The following XIRP2 variants were observed in gnomAD, a reference collection of about 807,000 sequenced individuals.
XIRP2 encodes the protein xin actin-binding repeat-containing protein 2.
In XIRP2, 236 loss-of-function variants were observed where a neutral mutation model predicts 277.0. The ratio of observed to expected loss-of-function variants is 0.85; its 90% confidence interval spans 0.77 to 0.95. The LOEUF is 0.95. XIRP2 is among the 40% of genes least tolerant of loss of function. XIRP2 has a pLI of 0.00. For synonymous variants in XIRP2, 1,490 were observed against 1,416.5 expected, an observed-to-expected ratio of 1.05 and a Z score of -1.17; for missense variants, 4,640 against 4,157.5, an observed-to-expected ratio of 1.12 and a Z score of -3.19.
At chr2:166,893,189 A>T (rs1684152839) in intron 1 of XIRP2, among the ~76,000 whole-genome samples, 1 of 151,998 alleles carries the variant, frequency 6.6e-6, no homozygotes, top group Non-Finnish European at 1.5e-5. Flanking sequence ...ATATTAGAGT[A>T]ACTGGTGGGA....
At chr2:166,902,643 C>T (rs529477790) in intron 1 of XIRP2, among the ~76,000 whole-genome samples, 1 of 151,824 alleles carries the variant, frequency 6.6e-6, no homozygotes, top group East Asian at 1.9e-4. Flanking sequence ...GTACACTTTG[C>T]CATTTTTTTT....
At chr2:167,106,798 A>G (rs895987419) in intron 2 of XIRP2, among the ~76,000 whole-genome samples, 2 of 151,596 alleles carry the variant, frequency 1.3e-5, no homozygotes, top group African/African-American at 4.8e-5. Flanking sequence ...TTGTTGAGTT[A>G]ATCCCTGAAC....
rs367958362 is a variant in XIRP2 at position 167,244,190 on chromosome 2, G to C, written c.2798G>C (p.Arg933Pro). 4 of 1,613,460 alleles carry C rather than the reference G, an allele frequency of 2.5e-6. No individual in the cohort carries two copies. Among genetic ancestry groups the C allele is most frequent in the Non-Finnish European group, 3.4e-6 (4 of 1,179,808 alleles). The stretch of plus-strand genomic sequence containing the variant: ...AGAAAAGATAAAAAGGAGTACACAC[G>C]AACAGTGAAACTTGAAGAAGTTGAC... The part of the protein sequence containing the change: ...DIRKDKKEYT[R>P]TVKLEEVDRG... Residue 933 changes from arginine to proline, a missense_variant, in exon 9 of 11, where the codon CGA becomes CCA. By Grantham distance (103) the Arg-to-Pro change is moderately radical. Transcript: ENST00000409195.
chr2:167,031,493 C>A (rs1312924980), intron 2 of XIRP2, among the ~76,000 whole-genome samples: 4 of 151,862 alleles, frequency 2.6e-5, no homozygotes, highest in Non-Finnish European at 4.4e-5. Context: ...TTTGAAAATT[C>A]TTTTCTTTAA....
chr2:167,244,968 A>G lies in XIRP2; in HGVS notation c.3576A>G (p.Ile1192Met), dbSNP rs535587490. Residue 1192 changes from isoleucine to methionine, a missense_variant, in exon 9 of 11, where the codon ATA (isoleucine) becomes ATG (methionine). Physicochemically the swap from Ile to Met is conservative, Grantham distance 10 (BLOSUM62 1). Transcript: ENST00000409195. Reference sequence around the variant, plus strand: ...AAATCAAGCCTGTTGAAATGGATATACAAGCTGGAGATGTTTCCAGCATGA... The same window carrying G: ...AAATCAAGCCTGTTGAAATGGATATGCAAGCTGGAGATGTTTCCAGCATGA... The part of the protein sequence containing the change: ...VKEIKPVEMD[I>M]QAGDVSSMRY... 1.9e-6 allele frequency: 3 copies of G among 1,613,224 alleles called. No individual in the cohort carries two copies. The East Asian group carries it at 6.7e-5, about 36-fold the overall frequency.
Position 167,245,915 on chromosome 2 carries a change from G to A in XIRP2, c.4523G>A (p.Gly1508Asp). 1 of 1,613,640 alleles carries A rather than the reference G, an allele frequency of 6.2e-7. No homozygotes were observed. Among genetic ancestry groups the A allele is most frequent in the Non-Finnish European group, 8.5e-7 (1 of 1,179,740 alleles). Reference protein sequence around the residue: ...TFDSIMEAHKGITKMTKEEIP... With the variant: ...TFDSIMEAHKDITKMTKEEIP... ...GATTCTATTATGGAAGCACATAAAG[G>A]TATCACAAAAATGACCAAGGAAGAA... Residue 1508 changes from glycine to aspartate, a missense_variant, in exon 9 of 11, where the codon GGT (glycine) becomes GAT (aspartate). Gly to Asp is a moderately conservative substitution (Grantham distance 94, BLOSUM62 -1). Transcript: ENST00000409195.
At chr2:167,203,854 G>A (rs1306902525) in intron 3 of XIRP2, among the ~76,000 whole-genome samples, 3 of 152,162 alleles carry the variant, frequency 2.0e-5, no homozygotes, top group Non-Finnish European at 2.9e-5. Context: ...CCTATGATAT[G>A]TGTATTGGTA....
At chr2:167,106,998 A>C (rs1304365818) in intron 2 of XIRP2, among the ~76,000 whole-genome samples, 1 of 151,278 alleles carries the variant, frequency 6.6e-6, no homozygotes, top group African/African-American at 2.4e-5. Flanking sequence ...CAATAATTTT[A>C]TATTTATAAT....
chr2:166,946,936 A>G (rs1685886752), intron 2 of XIRP2, among the ~76,000 whole-genome samples: 1 of 152,164 alleles, frequency 6.6e-6, no homozygotes, highest in African/African-American at 2.4e-5. Context: ...ATTGCTATCA[A>G]TTATCTAAAA....
intron 3 of XIRP2, among the ~76,000 whole-genome samples, chr2:167,151,139 T>C (rs1284833818): frequency 1.3e-5 from 2 of 152,126 alleles, no homozygotes; most frequent in Non-Finnish European, 2.9e-5. Context: ...TCAATGTTTG[T>C]TCATATTGCT....
At chr2:167,161,766 C>A (rs1410265733) in intron 3 of XIRP2, among the ~76,000 whole-genome samples, 1 of 152,202 alleles carries the variant, frequency 6.6e-6, no homozygotes, top group Non-Finnish European at 1.5e-5. Context: ...TTTAGCTCCT[C>A]ATTACTTATG....
Position 167,247,729 on chromosome 2 carries a change from T to G in XIRP2, c.6337T>G (p.Ser2113Ala). The G allele has an allele frequency of 6.2e-7, 1 of 1,613,590 alleles. No individual in the cohort carries two copies. The highest frequency in any genetic ancestry group is 8.5e-7 in the Non-Finnish European group (1 of 1,179,740). Reference sequence around the variant, plus strand: ...GCTGAAGAAGGATGATGTCTTTAATTCCATCCAATCTGCTGGTAAAACCGT... The same window carrying G: ...GCTGAAGAAGGATGATGTCTTTAATGCCATCCAATCTGCTGGTAAAACCGT... The part of the protein sequence containing the change: ...RELKKDDVFN[S>A]IQSAGKTVGK... The change falls in exon 9 of 11, where the codon TCC (serine) becomes GCC (alanine). Residue 2113 changes from serine (S) to alanine (A), a missense_variant. Physicochemically the swap from Ser to Ala is moderately conservative, Grantham distance 99. Coordinates refer to ENST00000409195, the MANE Select transcript of XIRP2 (RefSeq NM_152381.6).
chr2:167,084,253 G>C (rs1199136656), intron 2 of XIRP2, among the ~76,000 whole-genome samples: 3 of 152,074 alleles, frequency 2.0e-5, no homozygotes, highest in African/African-American at 7.2e-5. Context: ...TTATTGATTT[G>C]CGTATATTGA....
chr2:167,179,510 C>A (rs113133603), intron 3 of XIRP2, among the ~76,000 whole-genome samples: 14,969 of 151,868 alleles, frequency 0.099, 787 homozygotes, highest in South Asian at 0.15. Flanking sequence ...TTAGTAGTGA[C>A]AGGGTTTCAC....
intron 2 of XIRP2, among the ~76,000 whole-genome samples, chr2:167,118,313 C>T (rs1209592258): frequency 6.6e-6 from 1 of 151,838 alleles, no homozygotes. Flanking sequence ...AACCCGATCT[C>T]TACTAAAAAT....
chr2:166,922,409 C>A (rs1451146382), intron 2 of XIRP2, among the ~76,000 whole-genome samples: 1 of 152,068 alleles, frequency 6.6e-6, no homozygotes, highest in Non-Finnish European at 1.5e-5. Context: ...ATAAAATATG[C>A]ATCTTTTTTG....
chr2:166,975,160 A>C (rs1686677883), intron 2 of XIRP2, among the ~76,000 whole-genome samples: 1 of 152,106 alleles, frequency 6.6e-6, no homozygotes, highest in Non-Finnish European at 1.5e-5. Flanking sequence ...TGAAGTAGAG[A>C]CTGACAGAAT....
At chr2:167,201,237 A>AGGGAGGGAGG (rs1559018274) in intron 3 of XIRP2, among the ~76,000 whole-genome samples, 1 of 111,252 alleles carries the variant, frequency 9.0e-6, no homozygotes, top group Non-Finnish European at 1.7e-5. Context: ...AAAGAAAGAA[A>AGGGAGGGAGG]GAAAGAAAGA....
intron 2 of XIRP2, among the ~76,000 whole-genome samples, chr2:166,910,590 G>A (rs757747917): frequency 2.6e-5 from 4 of 152,038 alleles, no homozygotes; most frequent in Non-Finnish European, 5.9e-5. Context: ...TTTTTTGAAG[G>A]GTTTTTTGTG....
Sources: allele counts gnomAD v4.1 joint callset (sites outside exome capture counted in the v4.1 genomes callset), GRCh38; gene constraint gnomAD v4.1.1; transcripts MANE v1.5; gene names NCBI Gene and HGNC (gene_info 2026-07-23, HGNC 2026-07-21).